The following LARP4B variants were observed in gnomAD, a reference collection of about 807,000 sequenced individuals.
LARP4B encodes la-related protein 4B.
Under a neutral mutation model 89.8 loss-of-function variants are expected in LARP4B, and 12 were observed. That is an observed-to-expected ratio of 0.13 (90% CI 0.09 to 0.22). The LOEUF (loss-of-function observed/expected upper bound fraction) is 0.22. LARP4B is among the 10% of genes least tolerant of loss of function. The pLI is 1.00. For synonymous variants in LARP4B, 367 were observed against 363.3 expected, an observed-to-expected ratio of 1.01 and a Z score of -0.12; for missense variants, 757 against 947.7, an observed-to-expected ratio of 0.80 and a Z score of 2.64.
chr10:829,246 T>C (rs1413482248), intron 11 of LARP4B, 139 bp downstream of exon 11: 1 of 720,330 alleles, frequency 1.4e-6, no homozygotes, highest in Admixed American at 3.1e-5. Context: ...ACATTTAAAA[T>C]CCCCCACATA....
At chr10:856,774 T>C (rs1834325160) in intron 5 of LARP4B, among the ~76,000 whole-genome samples, 1 of 152,168 alleles carries the variant, frequency 6.6e-6, no homozygotes, top group Non-Finnish European at 1.5e-5. Context: ...AGTAACCGTT[T>C]TGAAAAATAC....
chr10:831,277 T>C (rs1210639936), intron 8 of LARP4B, among the ~76,000 whole-genome samples: 1 of 93,146 alleles, frequency 1.1e-5, no homozygotes, highest in Non-Finnish European at 2.7e-5. Context: ...ACTGCACAAC[T>C]TTTTTTTTTT....
the LARP4B span, among the ~76,000 whole-genome samples, chr10:961,173 C>G: frequency 1.3e-5 from 2 of 152,234 alleles, no homozygotes; most frequent in Non-Finnish European, 2.9e-5. Flanking sequence ...AGAAGTTCTT[C>G]AGAGAAGGAA....
chr10:904,196 A>T (rs1255214464), intron 1 of LARP4B, among the ~76,000 whole-genome samples: 1 of 152,194 alleles, frequency 6.6e-6, no homozygotes, highest in Non-Finnish European at 1.5e-5. Context: ...AGGCTAAAGG[A>T]TTACTTGAGC....
At chr10:827,885 C>T (rs1832713657) in intron 11 of LARP4B, among the ~76,000 whole-genome samples, 1 of 152,168 alleles carries the variant, frequency 6.6e-6, no homozygotes, top group Non-Finnish European at 1.5e-5. Flanking sequence ...GAATGTGCTA[C>T]TTCAAAAAGC....
At chr10:854,126 G>A (rs1410548261) in intron 5 of LARP4B, among the ~76,000 whole-genome samples, 3 of 152,194 alleles carry the variant, frequency 2.0e-5, no homozygotes, top group Non-Finnish European at 4.4e-5. Flanking sequence ...ACACATTCAA[G>A]TTGTACATGA....
the LARP4B span, among the ~76,000 whole-genome samples, chr10:959,413 A>T: frequency 2.0e-5 from 2 of 97,562 alleles, no homozygotes; most frequent in Non-Finnish European, 4.3e-5. Flanking sequence ...CTCCCCATCA[A>T]TCCACCTCCC....
rs143557584 is a variant in LARP4B at position 928,597 on chromosome 10, G to C, written c.-40+2831C>G. Among the ~76,000 whole-genome samples the C allele has an allele frequency of 1.1e-3, 160 of 152,200 alleles. 2 individuals are homozygous for C. Among genetic ancestry groups the C allele is most frequent in the African/African-American group, 3.8e-3 (158 of 41,530 alleles). On this transcript the variant is annotated intron_variant, in intron 1 of 17. Transcript: ENST00000316157. ...GTCCCAATTTGCATGTTTTGGGGGT[G>C]GGGGGAGACAAGGTCTCACTGTTGT...
At chr10:885,562 A>G in intron 2 of LARP4B, 79 bp downstream of exon 2, 2 of 980,798 alleles carry the variant, frequency 2.0e-6, no homozygotes, top group South Asian at 3.1e-5. Context: ...CCTGTTTAGA[A>G]CTCCTTACTA....
intron 1 of LARP4B, among the ~76,000 whole-genome samples, chr10:930,579 G>A (rs1837271133): frequency 6.6e-6 from 1 of 152,308 alleles, no homozygotes; most frequent in East Asian, 1.9e-4. Context: ...CAACGGCACT[G>A]AAACGGAAAG....
chr10:913,928 G>A (rs754925399), intron 1 of LARP4B, among the ~76,000 whole-genome samples: 25 of 151,962 alleles, frequency 1.6e-4, no homozygotes, highest in Non-Finnish European at 3.2e-4. Flanking sequence ...TAAAAATAAC[G>A]AAGAATAAAT....
chr10:878,199 T>C (rs1176674788), intron 3 of LARP4B, among the ~76,000 whole-genome samples: 1 of 152,124 alleles, frequency 6.6e-6, no homozygotes, highest in African/African-American at 2.4e-5. Flanking sequence ...CTACGAAGGC[T>C]AGGGACCTGC....
chr10:823,413 T>C (rs1302159649), intron 13 of LARP4B, among the ~76,000 whole-genome samples: 5 of 152,200 alleles, frequency 3.3e-5, no homozygotes, highest in African/African-American at 1.2e-4. Flanking sequence ...TCAAGTATTG[T>C]TGAAGGGTAT....
chr10:963,567 G>T, the LARP4B span, among the ~76,000 whole-genome samples: 2 of 152,186 alleles, frequency 1.3e-5, no homozygotes, highest in African/African-American at 4.8e-5. Context: ...AGATGAATGG[G>T]TTATGGTCCC....
chr10:973,047 C>T, the LARP4B span: 2 of 372,540 alleles, frequency 5.4e-6, no homozygotes, highest in South Asian at 4.0e-5. Context: ...GAGGGGCAAG[C>T]ACCCACTCAG....
chr10:913,738 C>T (rs896574226), intron 1 of LARP4B, among the ~76,000 whole-genome samples: 3 of 152,052 alleles, frequency 2.0e-5, no homozygotes, highest in African/African-American at 4.8e-5. Context: ...GTGAAACCCC[C>T]TCTCTACCAA....
intron 1 of LARP4B, among the ~76,000 whole-genome samples, chr10:904,251 C>G (rs1836425310): frequency 6.6e-6 from 1 of 151,970 alleles, no homozygotes; most frequent in Non-Finnish European, 1.5e-5. Flanking sequence ...ACACTCTGTC[C>G]CCTAAAAGAT....
intron 3 of LARP4B, among the ~76,000 whole-genome samples, chr10:874,649 A>G (rs1310269278): frequency 1.3e-5 from 2 of 152,214 alleles, no homozygotes; most frequent in Non-Finnish European, 2.9e-5. Context: ...GAAAAACAAA[A>G]TAATTCTTTT....
the LARP4B span, among the ~76,000 whole-genome samples, chr10:970,481 C>A: frequency 6.6e-6 from 1 of 151,566 alleles, no homozygotes; most frequent in Admixed American, 6.5e-5. Context: ...CCCTGGCTCA[C>A]AAGTGGGACT....
Sources: allele counts gnomAD v4.1 joint callset (sites outside exome capture counted in the v4.1 genomes callset), GRCh38; gene constraint gnomAD v4.1.1; transcripts MANE v1.5; gene names NCBI Gene and HGNC (gene_info 2026-07-23, HGNC 2026-07-21).